The following GALNT14 variants were observed in gnomAD, a reference collection of about 807,000 sequenced individuals.
The protein encoded by GALNT14 is polypeptide N-acetylgalactosaminyltransferase 14.
A neutral mutation model predicts 77.5 loss-of-function variants in GALNT14; 60 were observed. The observed-to-expected ratio is 0.77, with a 90% CI of 0.63 to 0.96. The LOEUF is 0.96. GALNT14 is among the 40% of genes least tolerant of loss of function. The pLI is 0.00. For missense variants in GALNT14, 710 were observed against 731.0 expected (o/e 0.97, Z 0.33); for synonymous variants, 280 against 281.7 (o/e 0.99, Z 0.06).
chr2:31,112,333 G>A (rs770317307), intron 1 of GALNT14, among the ~76,000 whole-genome samples: 8 of 152,162 alleles, frequency 5.3e-5, no homozygotes, highest in East Asian at 3.9e-4. Flanking sequence ...CTTGTGAGAC[G>A]TCCCATAGCA....
chr2:30,887,244 G>T, the GALNT14 span, among the ~76,000 whole-genome samples: 12 of 152,230 alleles, frequency 7.9e-5, no homozygotes, highest in Non-Finnish European at 1.0e-4. Flanking sequence ...ATGTGGGGCT[G>T]AAATTCCTAG....
chr2:30,956,841 C>G (rs1376170059), intron 4 of GALNT14, among the ~76,000 whole-genome samples: 3 of 152,234 alleles, frequency 2.0e-5, no homozygotes, highest in African/African-American at 7.2e-5. Flanking sequence ...ATTCAAAGCA[C>G]TGGTCAATTT....
downstream of GALNT14, among the ~76,000 whole-genome samples, chr2:30,907,697 C>A (rs1664180671): frequency 6.7e-6 from 1 of 149,766 alleles, no homozygotes; most frequent in African/African-American, 2.5e-5. Flanking sequence ...GGAATCCTCC[C>A]TAACTCATTT....
intron 1 of GALNT14, among the ~76,000 whole-genome samples, chr2:31,067,663 C>A (rs1675069146): frequency 6.6e-6 from 1 of 152,166 alleles, no homozygotes; most frequent in Non-Finnish European, 1.5e-5. Context: ...AGAGGGAGGA[C>A]TTAAGAGTTG....
chr2:31,047,426 CTT>C (rs1558523420), intron 1 of GALNT14, among the ~76,000 whole-genome samples: 3 of 152,204 alleles, frequency 2.0e-5, no homozygotes, highest in Non-Finnish European at 1.5e-5. Flanking sequence ...TACCTTACAA[CTT>C]TACCAAAAGA....
chr2:31,022,760 A>G (rs1296113556), intron 1 of GALNT14, among the ~76,000 whole-genome samples: 1 of 152,238 alleles, frequency 6.6e-6, no homozygotes, highest in Non-Finnish European at 1.5e-5. Flanking sequence ...CTAAATAAAA[A>G]CAATAGGCAA....
intron 13 of GALNT14, 101 bp downstream of exon 13, chr2:30,924,018 G>T: frequency 1.6e-6 from 2 of 1,278,654 alleles, no homozygotes; most frequent in Non-Finnish European, 2.3e-6. Flanking sequence ...GGAATAAATG[G>T]GCATCTGATG....
the GALNT14 span, among the ~76,000 whole-genome samples, chr2:30,893,077 C>CA: frequency 2.6e-5 from 4 of 151,332 alleles, no homozygotes; most frequent in African/African-American, 4.9e-5. Context: ...GTATAGCAAA[C>CA]AAAAAAACAA....
chr2:31,131,985 C>T (rs1403207163), intron 1 of GALNT14, among the ~76,000 whole-genome samples: 1 of 152,168 alleles, frequency 6.6e-6, no homozygotes, highest in Non-Finnish European at 1.5e-5. Context: ...GAGAGGAATT[C>T]CTGGTATTTC....
At chr2:30,957,394 C>G (rs1667431503) in intron 4 of GALNT14, among the ~76,000 whole-genome samples, 1 of 152,044 alleles carries the variant, frequency 6.6e-6, no homozygotes, top group African/African-American at 2.4e-5. Flanking sequence ...ATGTTTTAAC[C>G]ACTGCTATTC....
intron 13 of GALNT14, among the ~76,000 whole-genome samples, chr2:30,923,056 CTTTTTTTTTT>C (rs56163710): frequency 5.1e-5 from 6 of 116,526 alleles, no homozygotes; most frequent in Admixed American, 2.8e-4. Flanking sequence ...ACAAACGTGC[CTTTTTTTTTT>C]TTTTTTTTTT....
chr2:31,130,777 T>C (rs1397968535), intron 1 of GALNT14, among the ~76,000 whole-genome samples: 37 of 137,106 alleles, frequency 2.7e-4, no homozygotes, highest in African/African-American at 1.0e-3. Context: ...TGTGTGTGTG[T>C]GTGTGTGCGC....
intron 1 of GALNT14, among the ~76,000 whole-genome samples, chr2:31,071,622 T>C (rs1031761065): frequency 2.0e-5 from 3 of 152,118 alleles, no homozygotes; most frequent in African/African-American, 7.2e-5. Flanking sequence ...CCCTGCCTGA[T>C]GACCTGGCTC....
intron 1 of GALNT14, among the ~76,000 whole-genome samples, chr2:31,015,682 G>T (rs907331243): frequency 6.6e-6 from 1 of 152,162 alleles, no homozygotes; most frequent in Non-Finnish European, 1.5e-5. Context: ...ACTGACAAGG[G>T]CTCAACACCA....
intron 1 of GALNT14, among the ~76,000 whole-genome samples, chr2:31,025,466 G>A (rs1167772976): frequency 2.6e-5 from 4 of 152,200 alleles, no homozygotes; most frequent in African/African-American, 9.6e-5. Flanking sequence ...AGCTAAGGAG[G>A]CCACTGGAAT....
chr2:31,026,783 C>A (rs760756660), intron 1 of GALNT14, among the ~76,000 whole-genome samples: 1 of 152,212 alleles, frequency 6.6e-6, no homozygotes, highest in Non-Finnish European at 1.5e-5. Flanking sequence ...CATGGCAGGT[C>A]ATTGATGTCC....
intron 6 of GALNT14, among the ~76,000 whole-genome samples, chr2:30,947,899 A>G (rs1666796065): frequency 6.6e-6 from 1 of 152,202 alleles, no homozygotes; most frequent in Non-Finnish European, 1.5e-5. Flanking sequence ...CATGGAAAGA[A>G]ATGCTCATTT....
At chr2:31,094,917 C>T (rs773835094) in intron 1 of GALNT14, among the ~76,000 whole-genome samples, 1 of 152,142 alleles carries the variant, frequency 6.6e-6, no homozygotes, top group Non-Finnish European at 1.5e-5. Context: ...ACAGATTGGA[C>T]CAGGAGCCAG....
chr2:30,982,793 A>T lies in GALNT14; in HGVS notation c.299+10045T>A, dbSNP rs570683717. On this transcript the variant is annotated intron_variant, in intron 2 of 14. Transcript: ENST00000349752. ...ACCTGCAGGAGGTGTGTACTTTTCC[A>T]TATGTATCTTATATTTCAATAAAAG... 1.2e-3 allele frequency among the ~76,000 whole-genome samples: 188 copies of T among 152,338 alleles called. 1 individual carries two copies. Among genetic ancestry groups the T allele is most frequent in the Non-Finnish European group, 2.2e-3 (147 of 68,040 alleles).
Sources: gnomAD v4.1 joint callset for allele counts (sites outside exome capture counted in the v4.1 genomes callset) on GRCh38, gnomAD v4.1.1 for gene constraint, MANE v1.5 for transcripts, NCBI Gene and HGNC (gene_info 2026-07-23, HGNC 2026-07-21) for gene names.